CTNNA2: variants seen among roughly 807,000 people sequenced by gnomAD.
CTNNA2 encodes the protein catenin alpha 2, also known as catenin alpha-2.
Under a neutral mutation model 101.0 loss-of-function variants are expected in CTNNA2, and 42 were observed. That is an observed-to-expected ratio of 0.42 (90% CI 0.32 to 0.54). CTNNA2 has a LOEUF of 0.54. Among genes scored for constraint, CTNNA2 ranks in the 20% least tolerant of loss-of-function variants. CTNNA2 has a pLI of 0.14. For missense variants in CTNNA2, 871 were observed against 1,223.1 expected, an observed-to-expected ratio of 0.71 and a Z score of 4.29; for synonymous variants, 450 against 456.4, an observed-to-expected ratio of 0.99 and a Z score of 0.18.
intron 4 of CTNNA2, among the ~76,000 whole-genome samples, chr2:79,486,890 G>C (rs369721666): frequency 1.3e-5 from 2 of 152,266 alleles, no homozygotes; most frequent in East Asian, 3.9e-4. Context: ...TTAAATAGGC[G>C]AAATATTTTT....
At chr2:79,859,940 C>T (rs1029878463) in intron 4 of CTNNA2, among the ~76,000 whole-genome samples, 5 of 151,990 alleles carry the variant, frequency 3.3e-5, no homozygotes, top group Admixed American at 1.3e-4. Context: ...TGAATGGGGA[C>T]GATTCCTGTG....
At chr2:79,287,541 G>A (rs536526961) in intron 2 of CTNNA2, among the ~76,000 whole-genome samples, 1,908 of 99,518 alleles carry the variant, frequency 0.019, 23 homozygotes, top group Admixed American at 0.031. Flanking sequence ...GCCCCTGCTG[G>A]GGGGTGCCTC....
chr2:80,556,759 T>C (rs890623348), intron 12 of CTNNA2, among the ~76,000 whole-genome samples: 4 of 152,106 alleles, frequency 2.6e-5, no homozygotes, highest in East Asian at 1.9e-4. Context: ...AACTAGGGAA[T>C]AGAAAAAGAG....
intron 3 of CTNNA2, among the ~76,000 whole-genome samples, chr2:79,823,613 T>C (rs1678194529): frequency 6.6e-6 from 1 of 152,122 alleles, no homozygotes; most frequent in Non-Finnish European, 1.5e-5. Context: ...AAAATAGAGA[T>C]AGAAACTTAA....
intron 7 of CTNNA2, among the ~76,000 whole-genome samples, chr2:80,026,470 G>T (rs1694933192): frequency 6.6e-6 from 1 of 152,150 alleles, no homozygotes. Flanking sequence ...TATTGGTACT[G>T]CTGGACAGTT....
intron 2 of CTNNA2, among the ~76,000 whole-genome samples, chr2:79,703,478 T>C (rs1685145951): frequency 6.6e-6 from 1 of 152,192 alleles, no homozygotes. Flanking sequence ...TTGCTCTGGG[T>C]CTCCATAGAT....
intron 3 of CTNNA2, among the ~76,000 whole-genome samples, chr2:79,770,019 A>T (rs1286985852): frequency 6.6e-6 from 1 of 152,320 alleles, no homozygotes; most frequent in Non-Finnish European, 1.5e-5. Context: ...CCTTACTGGC[A>T]GCATGAATCT....
chr2:79,915,882 T>A (rs1409854552), intron 7 of CTNNA2, among the ~76,000 whole-genome samples: 1 of 152,184 alleles, frequency 6.6e-6, no homozygotes, highest in Non-Finnish European at 1.5e-5. Flanking sequence ...TTGGGTTTGA[T>A]CTAAAATCCC....
intron 4 of CTNNA2, among the ~76,000 whole-genome samples, chr2:79,449,936 G>A (rs927613462): frequency 1.3e-5 from 2 of 151,996 alleles, no homozygotes; most frequent in Non-Finnish European, 2.9e-5. Context: ...TATGTGTGCC[G>A]TTACTCCAAC....
At chr2:79,453,705 G>T (rs2104529006) in intron 4 of CTNNA2, among the ~76,000 whole-genome samples, 1 of 152,166 alleles carries the variant, frequency 6.6e-6, no homozygotes, top group East Asian at 1.9e-4. Flanking sequence ...ATCCAAACAA[G>T]ACTGAAGACA....
chr2:79,214,817 G>T (rs34746973), intron 2 of CTNNA2, among the ~76,000 whole-genome samples: 2,459 of 151,676 alleles, frequency 0.016, 95 homozygotes, highest in East Asian at 0.14. Flanking sequence ...GTGGGGATAA[G>T]TAAAAAAGAG....
intron 7 of CTNNA2, among the ~76,000 whole-genome samples, chr2:80,199,042 G>A (rs1268581499): frequency 6.6e-6 from 1 of 151,802 alleles, no homozygotes; most frequent in Non-Finnish European, 1.5e-5. Flanking sequence ...TTAGCTGGGT[G>A]TGGTGGTGCA....
At position 79,639,581 on chromosome 2, in the gene CTNNA2, G is replaced by A. The variant is rs140700195; in HGVS notation, c.-5-11971G>A. ...AGTCCTCATTAAAAGTTTTTTTTTC[G>A]TTTAAAATTGGTTGTCTAACTTTTA... On this transcript the variant is annotated intron_variant, in intron 1 of 18. Coordinates refer to ENST00000402739, the MANE Select transcript of CTNNA2 (RefSeq NM_001282597.3). 9.3e-5 allele frequency among the ~76,000 whole-genome samples: 14 copies of A among 151,094 alleles called. No individual in the cohort carries two copies. In the East Asian group the frequency reaches 9.7e-4, roughly 10 times the overall value.
chr2:80,532,413 C>T (rs1171014952), intron 9 of CTNNA2, among the ~76,000 whole-genome samples: 3 of 152,208 alleles, frequency 2.0e-5, no homozygotes, highest in Non-Finnish European at 4.4e-5. Context: ...GCCCCTTCGT[C>T]ACTTAGTATC....
intron 9 of CTNNA2, among the ~76,000 whole-genome samples, chr2:80,509,310 G>T (rs1463218868): frequency 1.3e-5 from 2 of 152,128 alleles, no homozygotes; most frequent in Non-Finnish European, 2.9e-5. Flanking sequence ...GGGTTTAACA[G>T]GAACATTTAC....
At chr2:80,138,594 A>C (rs1273842024) in intron 7 of CTNNA2, among the ~76,000 whole-genome samples, 1 of 152,114 alleles carries the variant, frequency 6.6e-6, no homozygotes, top group Non-Finnish European at 1.5e-5. Flanking sequence ...TACCCATCAC[A>C]ACACAGGGCT....
At chr2:79,405,143 C>A (rs1032452615) in intron 4 of CTNNA2, among the ~76,000 whole-genome samples, 1 of 151,828 alleles carries the variant, frequency 6.6e-6, no homozygotes, top group Non-Finnish European at 1.5e-5. Flanking sequence ...ATCAGTTGAG[C>A]CCTTTAAAAA....
chr2:79,447,723 C>T (rs982701758), intron 4 of CTNNA2, among the ~76,000 whole-genome samples: 2 of 152,022 alleles, frequency 1.3e-5, no homozygotes, highest in Non-Finnish European at 2.9e-5. Context: ...CTGGGTTTCT[C>T]TCAGGGTTGC....
chr2:80,036,848 T>TGAGAGA (rs71965090), intron 7 of CTNNA2, among the ~76,000 whole-genome samples: 119 of 120,330 alleles, frequency 9.9e-4, no homozygotes, highest in African/African-American at 3.5e-3. Flanking sequence ...TGTGTGTGTG[T>TGAGAGA]GAGAGAGAGA....
Sources: gnomAD v4.1 joint callset for allele counts (sites outside exome capture counted in the v4.1 genomes callset) on GRCh38, gnomAD v4.1.1 for gene constraint, MANE v1.5 for transcripts, NCBI Gene and HGNC (gene_info 2026-07-23, HGNC 2026-07-21) for gene names.